The following ATXN7 variants were observed in gnomAD, a reference collection of about 807,000 sequenced individuals.
The protein encoded by ATXN7 is ataxin-7.
ATXN7 carries 12 observed loss-of-function variants against 70.5 expected under a neutral mutation model. The ratio of observed to expected loss-of-function variants is 0.17; its 90% confidence interval spans 0.11 to 0.28. The LOEUF (loss-of-function observed/expected upper bound fraction) is 0.28. ATXN7 is among the 10% of genes least tolerant of loss of function. The pLI is 1.00. For synonymous variants in ATXN7, 498 were observed against 448.7 expected, an observed-to-expected ratio of 1.11 and a Z score of -1.39; for missense variants, 1,256 against 1,131.7, an observed-to-expected ratio of 1.11 and a Z score of -1.58.
intron 4 of ATXN7, among the ~76,000 whole-genome samples, chr3:63,923,423 G>A (rs1417173948): frequency 2.0e-5 from 3 of 152,194 alleles, no homozygotes; most frequent in Non-Finnish European, 4.4e-5. Context: ...GTAGGGTAAT[G>A]AGTTGGGGTT....
At chr3:63,886,511 G>A (rs992839760) in intron 1 of ATXN7, among the ~76,000 whole-genome samples, 3 of 152,148 alleles carry the variant, frequency 2.0e-5, no homozygotes, top group African/African-American at 7.2e-5. Context: ...TGTCACTCAT[G>A]CCTTAAAGCT....
At chr3:63,906,851 G>T (rs1703856702) in intron 2 of ATXN7, among the ~76,000 whole-genome samples, 1 of 152,214 alleles carries the variant, frequency 6.6e-6, no homozygotes, top group Admixed American at 6.5e-5. Context: ...CCTGCAGGAG[G>T]CAACTGAACA....
chr3:63,932,892 C>T (rs2074581706), intron 4 of ATXN7, among the ~76,000 whole-genome samples: 1 of 152,192 alleles, frequency 6.6e-6, no homozygotes, highest in African/African-American at 2.4e-5. Flanking sequence ...ATAGATCTGT[C>T]TAATTTTATT....
chr3:63,873,554 T>C lies in ATXN7; in HGVS notation c.-111+9396T>C, dbSNP rs1702658038. 2.6e-5 allele frequency among the ~76,000 whole-genome samples: 4 copies of C among 152,188 alleles called. No homozygotes were observed. The South Asian group carries it at 8.3e-4, about 31-fold the overall frequency. On this transcript the variant is annotated intron_variant, in intron 1 of 12. Coordinates refer to ENST00000674280, the MANE Select transcript of ATXN7 (RefSeq NM_001377405.1). ...GTCATTCCCCAGAAGTGGGAATTGATGGAGGGCAGGTAAAACCAACAGATA... is the reference window on the plus strand; with the variant it reads ...GTCATTCCCCAGAAGTGGGAATTGACGGAGGGCAGGTAAAACCAACAGATA...
intron 8 of ATXN7, among the ~76,000 whole-genome samples, chr3:63,985,146 C>T (rs2075553830): frequency 6.6e-6 from 1 of 152,018 alleles, no homozygotes; most frequent in Non-Finnish European, 1.5e-5. Flanking sequence ...GGATAACTAC[C>T]CAGAAGTGAG....
chr3:63,885,328 G>A (rs1703055463), intron 1 of ATXN7, among the ~76,000 whole-genome samples: 1 of 152,072 alleles, frequency 6.6e-6, no homozygotes, highest in South Asian at 2.1e-4. Flanking sequence ...ATGGCCAACA[G>A]GTATATGAAA....
At chr3:63,906,648 G>T (rs1055351232) in intron 2 of ATXN7, among the ~76,000 whole-genome samples, 3 of 152,214 alleles carry the variant, frequency 2.0e-5, no homozygotes, top group Non-Finnish European at 2.9e-5. Flanking sequence ...GAGGGTTCAG[G>T]AAAGAGTTTG....
Position 63,950,666 on chromosome 3 carries a change from T to C in ATXN7, c.395-1713T>C, listed in dbSNP as rs554552084. ...ATGTCATGTCAAGAAACTGTAATCT[T>C]GGAAAGTGACTTATTACATGTATAT... On this transcript the variant is annotated intron_variant, in intron 4 of 12. Coordinates refer to ENST00000674280, the MANE Select transcript of ATXN7 (RefSeq NM_001377405.1). Among the ~76,000 whole-genome samples, 7 of 152,318 alleles carry C rather than the reference T, an allele frequency of 4.6e-5. 1 individual carries two copies. In the South Asian group the frequency reaches 1.4e-3, roughly 32 times the overall value.
intron 1 of ATXN7, among the ~76,000 whole-genome samples, chr3:63,873,999 C>T (rs1293234560): frequency 6.6e-6 from 1 of 152,204 alleles, no homozygotes; most frequent in Non-Finnish European, 1.5e-5. Flanking sequence ...CCACACCTGG[C>T]CCCGAGGATT....
chr3:63,917,639 G>A (rs1036230901), intron 4 of ATXN7, among the ~76,000 whole-genome samples: 7 of 152,246 alleles, frequency 4.6e-5, no homozygotes, highest in Middle Eastern at 6.8e-3. Context: ...TGCATTCTAC[G>A]TGTCAGCATT....
intron 4 of ATXN7, among the ~76,000 whole-genome samples, chr3:63,934,114 A>G (rs191793753): frequency 6.6e-6 from 1 of 152,278 alleles, no homozygotes; most frequent in Admixed American, 6.5e-5. Context: ...CTGACACTGT[A>G]TTCGTATTGA....
intron 5 of ATXN7, among the ~76,000 whole-genome samples, chr3:63,959,263 A>C (rs2075085448): frequency 6.6e-6 from 1 of 152,212 alleles, no homozygotes; most frequent in Admixed American, 6.5e-5. Context: ...GTCAGTATAA[A>C]GACTGAAACT....
At position 63,912,649 on chromosome 3, in the gene ATXN7, G is replaced by GGCGGCGGCGGGCGGAGCA. The variant is rs1553686069; in HGVS notation, c.57_74dup (p.Gly21_Ala26dup). 7.4e-5 allele frequency: 77 copies of GGCGGCGGCGGGCGGAGCA among 1,036,544 alleles called. No homozygotes were observed. Among genetic ancestry groups the GGCGGCGGCGGGCGGAGCA allele is most frequent in the Non-Finnish European group, 8.7e-5 (75 of 859,654 alleles). 64.2% of individuals were successfully genotyped at this position (1,036,544 alleles called of 1,614,324 possible). A position where few individuals can be genotyped will look rare whatever the true frequency, so the allele number is the denominator to read the frequency against. Reference sequence around the variant, plus strand: ...TCAGGGGGGAGCCGCGCCGCGCGGCGGCGGCGGCGGGCGGAGCAGCGGCCG... The same window carrying GGCGGCGGCGGGCGGAGCA: ...TCAGGGGGGAGCCGCGCCGCGCGGCGGCGGCGGCGGGCGGAGCAGCGGCGGCGGGCGGAGCAGCGGCCG... On this transcript the variant is annotated inframe_insertion, in exon 3 of 13. Transcript: ENST00000674280.
chr3:63,890,557 CT>C (rs1703227107), intron 1 of ATXN7, among the ~76,000 whole-genome samples: 1 of 152,078 alleles, frequency 6.6e-6, no homozygotes, highest in Non-Finnish European at 1.5e-5. Context: ...ATCTCTGACC[CT>C]TGATTTTGTT....
intron 4 of ATXN7, among the ~76,000 whole-genome samples, chr3:63,944,324 AAATAAT>A (rs554494467): frequency 7.9e-5 from 12 of 152,168 alleles, no homozygotes; most frequent in African/African-American, 2.7e-4. Flanking sequence ...ATTAATAATA[AAATAAT>A]AATAATTATA....
chr3:63,998,842 T>A, intron 12 of ATXN7: 1 of 320,748 alleles, frequency 3.1e-6, no homozygotes, highest in Non-Finnish European at 4.5e-6. Context: ...GAGCTGCCAT[T>A]AAAACAAAAA....
At chr3:63,973,048 CACAGCAGCCCTGCAAAGTAGGCTTGGCA>C (rs1254086762) in intron 5 of ATXN7, among the ~76,000 whole-genome samples, 9 of 152,112 alleles carry the variant, frequency 5.9e-5, no homozygotes, top group Non-Finnish European at 1.0e-4. Flanking sequence ...TCGTTTAATC[CACAGCAGCCCTGCAAAGTAGGCTTGGCA>C]ACTGAAGACG....
intron 2 of ATXN7, among the ~76,000 whole-genome samples, chr3:63,902,982 A>G (rs540396435): frequency 6.6e-6 from 1 of 152,298 alleles, no homozygotes; most frequent in Non-Finnish European, 1.5e-5. Flanking sequence ...GAATTAAAGC[A>G]TCTTTAATTC....
intron 2 of ATXN7, among the ~76,000 whole-genome samples, chr3:63,909,407 CACACAT>C (rs1703940305): frequency 6.6e-6 from 1 of 152,090 alleles, no homozygotes; most frequent in African/African-American, 2.4e-5. Flanking sequence ...CATCTCCACA[CACACAT>C]ACACACAAAA....
Sources: allele counts gnomAD v4.1 joint callset (sites outside exome capture counted in the v4.1 genomes callset), GRCh38; gene constraint gnomAD v4.1.1; transcripts MANE v1.5; gene names NCBI Gene and HGNC (gene_info 2026-07-23, HGNC 2026-07-21).